SEL1L2: variants seen among roughly 807,000 people sequenced by gnomAD.
SEL1L2 encodes the protein protein sel-1 homolog 2.
A neutral mutation model predicts 98.8 loss-of-function variants in SEL1L2; 89 were observed. The ratio of observed to expected loss-of-function variants is 0.90; its 90% confidence interval spans 0.76 to 1.07. The LOEUF is 1.07. Among genes scored for constraint, SEL1L2 ranks in the 50% least tolerant of loss-of-function variants. The pLI is 0.00. For synonymous variants in SEL1L2, 262 were observed against 278.5 expected, an observed-to-expected ratio of 0.94 and a Z score of 0.59; for missense variants, 788 against 812.0, an observed-to-expected ratio of 0.97 and a Z score of 0.36.
intron 1 of SEL1L2, among the ~76,000 whole-genome samples, chr20:13,960,141 TG>T (rs2050713461): frequency 6.6e-6 from 1 of 152,194 alleles, no homozygotes; most frequent in South Asian, 2.1e-4. Flanking sequence ...CAATGTGATT[TG>T]GTAGATTCCC....
Position 13,869,486 on chromosome 20 carries a change from G to C in SEL1L2, c.1255+17C>G, listed in dbSNP as rs370093969. ...ATATGTCATTCTAAATAAAGCAGCT[G>C]TATTTGTGGCACTTACAGTAGTACA... On this transcript the variant is annotated intron_variant, in intron 14 of 19. Coordinates refer to ENST00000284951, the MANE Select transcript of SEL1L2 (RefSeq NM_025229.2). 1.6e-5 allele frequency: 26 copies of C among 1,578,656 alleles called. No individual in the cohort carries two copies. In the African/African-American group the frequency reaches 3.5e-4, roughly 21 times the overall value.
At chr20:13,962,410 G>A (rs2050821155) in intron 1 of SEL1L2, among the ~76,000 whole-genome samples, 1 of 152,170 alleles carries the variant, frequency 6.6e-6, no homozygotes, top group South Asian at 2.1e-4. Context: ...AGACCACCAT[G>A]TCCTGAAGAA....
At chr20:13,919,160 C>A in intron 3 of SEL1L2, 37 bp from the exon 4 acceptor site, 1 of 1,181,678 alleles carries the variant, frequency 8.5e-7, no homozygotes, top group Non-Finnish European at 1.2e-6. Flanking sequence ...AACAATATTA[C>A]TTCTATGTTC....
chr20:13,918,237 A>G (rs1477317523), intron 4 of SEL1L2, among the ~76,000 whole-genome samples: 1 of 152,212 alleles, frequency 6.6e-6, no homozygotes, highest in African/African-American at 2.4e-5. Flanking sequence ...TAAGAGCTTG[A>G]TTGCATTATC....
At chr20:13,967,675 T>G (rs888967654) in intron 1 of SEL1L2, among the ~76,000 whole-genome samples, 3 of 152,192 alleles carry the variant, frequency 2.0e-5, no homozygotes, top group African/African-American at 7.2e-5. Context: ...TAACTGCCAC[T>G]CACCTAAGCT....
At chr20:13,874,437 G>C (rs912793202) in intron 12 of SEL1L2, among the ~76,000 whole-genome samples, 1 of 152,068 alleles carries the variant, frequency 6.6e-6, no homozygotes, top group African/African-American at 2.4e-5. Flanking sequence ...AAAGTAGCTC[G>C]GGTTCAGCGC....
intron 4 of SEL1L2, chr20:13,915,315 G>C (rs1040050923): frequency 1.7e-6 from 2 of 1,145,540 alleles, no homozygotes; most frequent in East Asian, 1.2e-4. Flanking sequence ...AGGAGATCAA[G>C]AAAGAAATTA....
At chr20:13,906,989 A>G (rs1244100262) in intron 5 of SEL1L2, among the ~76,000 whole-genome samples, 3 of 152,172 alleles carry the variant, frequency 2.0e-5, no homozygotes, top group Non-Finnish European at 4.4e-5. Context: ...TTATAATTTC[A>G]ATTTGAAATA....
At chr20:13,872,927 C>T (rs893564336) in intron 12 of SEL1L2, among the ~76,000 whole-genome samples, 1 of 152,076 alleles carries the variant, frequency 6.6e-6, no homozygotes, top group African/African-American at 2.4e-5. Context: ...AGTTCCTCTG[C>T]TCCAGCTGGT....
chr20:13,919,886 C>T (rs1398533471), intron 3 of SEL1L2, among the ~76,000 whole-genome samples: 9 of 149,290 alleles, frequency 6.0e-5, no homozygotes, highest in African/African-American at 2.2e-4. Context: ...GGTTGCACCA[C>T]TGCACTCCAG....
chr20:13,849,338 A>G lies in SEL1L2; in HGVS notation c.*147T>C. 2.0e-6 allele frequency: 2 copies of G among 1,012,530 alleles called. No homozygotes were observed. Among genetic ancestry groups the G allele is most frequent in the South Asian group, 1.6e-5 (1 of 62,930 alleles). The allele number at this position is 1,012,530 out of a possible 1,614,324, so 62.7% of individuals were successfully genotyped here. On this transcript the variant is annotated 3_prime_UTR_variant, in exon 20 of 20. Transcript: ENST00000284951. ...GGAAGTCTGAAGTTGTTTCTCTAGG[A>G]TGGTCCCCAAGTCTTGTCTGTTTCC...
intron 4 of SEL1L2, chr20:13,915,279 CA>C: frequency 7.9e-7 from 1 of 1,264,312 alleles, no homozygotes; most frequent in Non-Finnish European, 1.0e-6. Context: ...TCCAGTGGAA[CA>C]AAAAGAGATA....
intron 3 of SEL1L2, among the ~76,000 whole-genome samples, chr20:13,922,163 A>C (rs2048693182): frequency 6.6e-6 from 1 of 152,222 alleles, no homozygotes; most frequent in South Asian, 2.1e-4. Context: ...TTATTATATA[A>C]TTAATAAATA....
At chr20:13,973,269 A>G (rs1263707118) in intron 1 of SEL1L2, 3 of 152,208 alleles carry the variant, frequency 2.0e-5, no homozygotes, top group Non-Finnish European at 2.9e-5. Flanking sequence ...CTCTAAATAC[A>G]TATTATGGTA....
chr20:13,973,891 A>G (rs1390027694), intron 1 of SEL1L2, among the ~76,000 whole-genome samples: 1 of 152,124 alleles, frequency 6.6e-6, no homozygotes, highest in African/African-American at 2.4e-5. Context: ...TGACCACACA[A>G]TTTCTCAGAG....
At chr20:13,981,536 T>A (rs1449771148) in intron 1 of SEL1L2, among the ~76,000 whole-genome samples, 4 of 152,328 alleles carry the variant, frequency 2.6e-5, no homozygotes, top group African/African-American at 9.6e-5. Flanking sequence ...TATACATATA[T>A]CAAAACATCA....
chr20:13,890,316 A>G (rs1002121115), intron 5 of SEL1L2, among the ~76,000 whole-genome samples: 2 of 152,170 alleles, frequency 1.3e-5, no homozygotes, highest in Non-Finnish European at 2.9e-5. Context: ...AGAACAAAAG[A>G]GCTCAATGGC....
At chr20:13,854,360 T>C (rs1310714093) in intron 18 of SEL1L2, among the ~76,000 whole-genome samples, 2 of 152,228 alleles carry the variant, frequency 1.3e-5, no homozygotes, top group Non-Finnish European at 2.9e-5. Flanking sequence ...GCCTGATTTC[T>C]TCCATGTAAA....
At chr20:13,971,944 A>G (rs144756666) in intron 1 of SEL1L2, among the ~76,000 whole-genome samples, 4 of 151,682 alleles carry the variant, frequency 2.6e-5, no homozygotes, top group Non-Finnish European at 5.9e-5. Context: ...TTCCTGATCT[A>G]CTCCTCTATT....
Sources: gnomAD v4.1 joint callset for allele counts (sites outside exome capture counted in the v4.1 genomes callset) on GRCh38, gnomAD v4.1.1 for gene constraint, MANE v1.5 for transcripts, NCBI Gene and HGNC (gene_info 2026-07-23, HGNC 2026-07-21) for gene names.